SLC5A4: variants seen among roughly 807,000 people sequenced by gnomAD.
SLC5A4 encodes solute carrier family 5 member 4, also known as probable glucose sensor protein SLC5A4.
In SLC5A4, 55 loss-of-function variants were observed where a neutral mutation model predicts 70.3. The observed-to-expected ratio is 0.78, with a 90% CI of 0.63 to 0.98. The LOEUF is 0.98. Among genes scored for constraint, SLC5A4 ranks in the 50% least tolerant of loss-of-function variants. The probability of loss-of-function intolerance (pLI) is 0.00; values close to 1 mark genes in which losing one functional copy is unlikely to be tolerated. For synonymous variants in SLC5A4, 268 were observed against 305.7 expected (o/e 0.88, Z 1.29); for missense variants, 735 against 839.2 (o/e 0.88, Z 1.53).
At chr22:32,224,104 T>G (rs1444580326) in intron 13 of SLC5A4, among the ~76,000 whole-genome samples, 163 bp downstream of exon 13, 1 of 152,180 alleles carries the variant, frequency 6.6e-6, no homozygotes, top group Non-Finnish European at 1.5e-5. Context: ...GTATTTTTAG[T>G]AGAGACAAGG....
At chr22:32,229,624 A>C (rs1925626009) in intron 10 of SLC5A4, among the ~76,000 whole-genome samples, 1 of 152,200 alleles carries the variant, frequency 6.6e-6, no homozygotes, top group Non-Finnish European at 1.5e-5. Context: ...AGAGAGCAGA[A>C]GGATGGTTAC....
At chr22:32,351,426 C>T in the SLC5A4 span, among the ~76,000 whole-genome samples, 1 of 151,570 alleles carries the variant, frequency 6.6e-6, no homozygotes, top group Non-Finnish European at 1.5e-5. Flanking sequence ...CACACTGGGC[C>T]GGCGAGGTGG....
At chr22:32,226,340 G>A (rs1191005110) in intron 11 of SLC5A4, among the ~76,000 whole-genome samples, 3 of 152,210 alleles carry the variant, frequency 2.0e-5, no homozygotes, top group African/African-American at 7.2e-5. Flanking sequence ...CAGGTAAAAA[G>A]CGTGTTAAAG....
At chr22:32,246,318 C>T (rs1926827624) in intron 5 of SLC5A4, among the ~76,000 whole-genome samples, 1 of 152,154 alleles carries the variant, frequency 6.6e-6, no homozygotes, top group African/African-American at 2.4e-5. Flanking sequence ...AACAACAACT[C>T]GGTTCAACAG....
At chr22:32,290,076 TTTTTTTC>T in the SLC5A4 span, among the ~76,000 whole-genome samples, 54 of 41,026 alleles carry the variant, frequency 1.3e-3, no homozygotes, top group African/African-American at 4.5e-3. Context: ...TGGGTTTTTC[TTTTTTTC>T]TTTTTACTTT....
chr22:32,330,965 G>T, the SLC5A4 span, among the ~76,000 whole-genome samples: 32 of 50,740 alleles, frequency 6.3e-4, no homozygotes, highest in Non-Finnish European at 6.2e-4. Context: ...TGTGTGTGTT[G>T]GGGGCACTGG....
chr22:32,349,243 G>A, the SLC5A4 span, among the ~76,000 whole-genome samples: 1 of 152,182 alleles, frequency 6.6e-6, no homozygotes, highest in Non-Finnish European at 1.5e-5. Flanking sequence ...AAGGTGCTGG[G>A]ATTACAGGCG....
chr22:32,274,076 G>A, the SLC5A4 span, among the ~76,000 whole-genome samples: 1 of 143,970 alleles, frequency 6.9e-6, no homozygotes, highest in Non-Finnish European at 1.5e-5. Context: ...GTCTCGCTCT[G>A]TCACCCAGGC....
At chr22:32,275,047 A>C in the SLC5A4 span, among the ~76,000 whole-genome samples, 1 of 152,168 alleles carries the variant, frequency 6.6e-6, no homozygotes, top group African/African-American at 2.4e-5. Context: ...TAACACTGTA[A>C]CATACAGTTC....
chr22:32,291,675 C>T, the SLC5A4 span, among the ~76,000 whole-genome samples: 5 of 151,974 alleles, frequency 3.3e-5, no homozygotes, highest in East Asian at 1.9e-4. Context: ...CTTTTAAGCA[C>T]TTATTTATCT....
chr22:32,323,431 GGACATGGGTTCAGTTACGGCCT>G, the SLC5A4 span, among the ~76,000 whole-genome samples: 2 of 152,202 alleles, frequency 1.3e-5, no homozygotes, highest in Non-Finnish European at 2.9e-5. Flanking sequence ...GCAAGAGGCT[GGACATGGGTTCAGTTACGGCCT>G]GACCCAAGAG....
At chr22:32,312,695 G>C in the SLC5A4 span, among the ~76,000 whole-genome samples, 3 of 152,056 alleles carry the variant, frequency 2.0e-5, no homozygotes, top group Admixed American at 1.3e-4. Flanking sequence ...TTTGGGCACA[G>C]GCAGCATTCC....
At chr22:32,239,531 T>TATATATATATATATATAA (rs1926276572) in intron 5 of SLC5A4, among the ~76,000 whole-genome samples, 1 of 9,162 alleles carries the variant, frequency 1.1e-4, no homozygotes, top group Admixed American at 1.5e-3. Context: ...TATATATATA[T>TATATATATATATATATAA]ATATATATAT....
the SLC5A4 span, among the ~76,000 whole-genome samples, chr22:32,342,439 G>GAAAA: frequency 6.6e-6 from 1 of 151,730 alleles, no homozygotes; most frequent in African/African-American, 2.4e-5. Context: ...ACTATAGAGA[G>GAAAA]AAAAAAACCA....
rs1449504226 is a variant in SLC5A4, at chr22:32,218,702, A to G, written c.1792T>C (p.Cys598Arg). ...AACAAGTCATAAGCTTTCTTGAGGC[A>G]TCCACGTGATTTCTCAGGATAATCT... is the stretch of plus-strand genomic sequence containing the variant. ...EEDYPEKSRG[C>R]LKKAYDLFCG... is the part of the protein sequence containing the mutation. Residue 598 changes from cysteine to arginine, a missense_variant, in exon 15 of 15, where the codon TGC becomes CGC. Cys to Arg is a radical substitution (Grantham distance 180). Transcript: ENST00000266086. The G allele has an allele frequency of 1.9e-6, 3 of 1,613,852 alleles. No individual in the cohort carries two copies. Among genetic ancestry groups the G allele is most frequent in the South Asian group, 1.1e-5 (1 of 91,068 alleles).
the SLC5A4 span, among the ~76,000 whole-genome samples, chr22:32,298,947 GA>G: frequency 8.8e-6 from 1 of 113,508 alleles, no homozygotes; most frequent in East Asian, 2.6e-4. Context: ...ATTCTGGGTT[GA>G]AAATTCTTTT....
intron 11 of SLC5A4, 138 bp from the exon 12 acceptor site, chr22:32,225,961 C>T (rs1203548526): frequency 1.7e-6 from 1 of 588,118 alleles, no homozygotes; most frequent in Non-Finnish European, 2.9e-6. Flanking sequence ...CATACATAAA[C>T]CCATGCTGTG....
chr22:32,263,470 A>G, the SLC5A4 span, among the ~76,000 whole-genome samples: 1 of 152,208 alleles, frequency 6.6e-6, no homozygotes, highest in Non-Finnish European at 1.5e-5. Flanking sequence ...ACTGGTCATT[A>G]GAGAAATGCA....
the SLC5A4 span, among the ~76,000 whole-genome samples, chr22:32,347,287 G>A: frequency 8.5e-5 from 13 of 152,254 alleles, no homozygotes; most frequent in Middle Eastern, 3.4e-3. Flanking sequence ...CATTGTGGAA[G>A]TCAGTGTGGA....
Sources: gnomAD v4.1 joint callset for allele counts (sites outside exome capture counted in the v4.1 genomes callset) on GRCh38, gnomAD v4.1.1 for gene constraint, MANE v1.5 for transcripts, NCBI Gene and HGNC (gene_info 2026-07-23, HGNC 2026-07-21) for gene names.